Variants in DPP7 observed in about 807,000 individuals in gnomAD.
DPP7 encodes the protein dipeptidyl peptidase 2.
DPP7 carries 74 observed loss-of-function variants against 58.8 expected under a neutral mutation model. The ratio of observed to expected loss-of-function variants is 1.26; its 90% CI spans 1.04 to 1.53. The LOEUF (loss-of-function observed/expected upper bound fraction) is 1.53, where lower values mean the gene tolerates loss of function less well. Among genes scored for constraint, DPP7 ranks in the 40% most tolerant of loss-of-function variants. The probability of loss-of-function intolerance (pLI) is 0.00; values close to 1 mark genes in which losing one functional copy is unlikely to be tolerated. For synonymous variants in DPP7, 350 were observed against 303.6 expected (o/e 1.15, Z -1.59); for missense variants, 807 against 692.3 (o/e 1.17, Z -1.86).
At chr9:137,117,288 G>A (rs1179270837), upstream of DPP7, among the ~76,000 whole-genome samples, 1 of 152,244 alleles carries the variant, frequency 6.6e-6, no homozygotes, top group Non-Finnish European at 1.5e-5. Context: ...CCCCAGGTCT[G>A]CATCGCCAGG....
rs558069436 is a variant in DPP7 at position 137,110,711 on chromosome 9, C to T, written c.1416G>A (p.Trp472Ter). The T allele has an allele frequency of 1.1e-5, 18 of 1,608,430 alleles. 1 individual carries two copies. The highest frequency in any genetic ancestry group is 5.0e-5 in the Admixed American group (3 of 60,006). The change falls in exon 13 of 13, where the codon TGG becomes TGA. Residue 472 changes from tryptophan (W) to a stop codon, truncating the protein, a stop_gained. Coordinates refer to ENST00000371579, the MANE Select transcript of DPP7 (RefSeq NM_013379.3). LOFTEE classifies it low-confidence loss of function (END_TRUNC). ...GCTGCTCACGCCTGGCTGCCTTTAC[C>T]CACTCGCCGATGATGGTGGCCTCCA... Reference protein sequence around the residue: ...RKLEATIIGEWVKAARREQQP... With the variant: ...RKLEATIIGE
chr9:137,114,848 G>A, upstream of DPP7: 1 of 564,450 alleles, frequency 1.8e-6, no homozygotes, highest in Non-Finnish European at 2.6e-6. Flanking sequence ...CCGCGCCGGG[G>A]CTGTGCCCCC....
rs1325374757 is a variant in DPP7, at chr9:137,114,570, C to T, written c.74G>A (p.Arg25Lys). ...GLRGLQAGAR[R>K]APDPGFQERF... The stretch of plus-strand genomic sequence containing the variant: ...CTCCTGGAAGCCGGGGTCCGGGGCC[C>T]TGCGGGCTGTGGGGGGACGCGAACC... Residue 25 changes from arginine to lysine, a missense_variant, in exon 2 of 13, where the codon AGG (arginine) becomes AAG (lysine). By Grantham distance (26) the Arg-to-Lys change is conservative. This residue lies in a region of DPP7 where 168 missense variants were observed against 124.1 expected (regional missense o/e 1.35). Transcript: ENST00000371579. 2 of 1,543,074 alleles carry T rather than the reference C, an allele frequency of 1.3e-6. No homozygotes were observed. Among genetic ancestry groups the T allele is most frequent in the South Asian group, 1.2e-5 (1 of 83,598 alleles).
chr9:137,112,817 G>T lies in DPP7; in HGVS notation c.871-12C>A. ...CGATCACAGCCCACCTGGAGTGCAG[G>T]GGCAGCGGCGACTCAGCGGGGTCCC... is the stretch of plus-strand genomic sequence containing the variant. On this transcript the variant is annotated splice_polypyrimidine_tract_variant and intron_variant, in intron 7 of 12. Coordinates refer to ENST00000371579, the MANE Select transcript of DPP7 (RefSeq NM_013379.3). 1 of 1,608,624 alleles carries T rather than the reference G, an allele frequency of 6.2e-7. No homozygotes were observed.
At chr9:137,118,071 TC>T (rs1809008878), upstream of DPP7, among the ~76,000 whole-genome samples, 1 of 152,026 alleles carries the variant, frequency 6.6e-6, no homozygotes, top group African/African-American at 2.4e-5. Flanking sequence ...TACTGCAACT[TC>T]CGCCTCCTGG....
In DPP7 at chr9:137,113,909, G is replaced by C; in HGVS notation, c.441C>G (p.Arg147=). Residue 147 remains arginine, a synonymous_variant, in exon 4 of 13, where the codon CGC becomes CGG. Transcript: ENST00000371579. The stretch of plus-strand genomic sequence containing the variant: ...CGGGGGCATCCTGGGCCCCGAGGTC[G>C]CGTCGTAGCGCGCGGAGCAGCTCTG... The part of the protein sequence containing the change: ...DFAELLRALR[R]DLGAQDAPAI... The C allele has an allele frequency of 6.4e-7, 1 of 1,573,444 alleles. No individual in the cohort carries two copies. The highest frequency in any genetic ancestry group is 8.6e-7 in the Non-Finnish European group (1 of 1,165,770).
At position 137,113,219 on chromosome 9, in the gene DPP7, C is replaced by A. The variant is rs746998629; in HGVS notation, c.690G>T (p.Leu230Phe). ...VREAFRQIKD[L>F]FLQGAYDTVR... ...GGAGGACCTCACCTCCCTGTAGGAACAAGTCCTTGATCTGTCGGAACGCTT... is the reference window on the plus strand; with the variant it reads ...GGAGGACCTCACCTCCCTGTAGGAAAAAGTCCTTGATCTGTCGGAACGCTT... Residue 230 changes from leucine (L) to phenylalanine (F), a missense_variant, in exon 6 of 13, where the codon TTG becomes TTT. By Grantham distance (22) the Leu-to-Phe change is conservative. Transcript: ENST00000371579. The A allele has an allele frequency of 3.6e-5, 58 of 1,613,608 alleles. No homozygotes were observed. The South Asian group carries it at 5.8e-4, about 16-fold the overall frequency.
At position 137,114,629 on chromosome 9, in the gene DPP7, G is replaced by C; in HGVS notation, c.67+18C>G. 1.4e-6 allele frequency: 2 copies of C among 1,401,750 alleles called. No homozygotes were observed. The highest frequency in any genetic ancestry group is 1.9e-6 in the Non-Finnish European group (2 of 1,078,338). 86.8% of individuals were successfully genotyped at this position (1,401,750 alleles called of 1,614,324 possible). A position where few individuals can be genotyped will look rare whatever the true frequency, so the allele number is the denominator to read the frequency against. ...GGGGCCGGGACCGGGGAATGGGCCGGGGGGCGCCGCCACTCACCCCCCGCC... is the reference window on the plus strand; with the variant it reads ...GGGGCCGGGACCGGGGAATGGGCCGCGGGGCGCCGCCACTCACCCCCCGCC... On this transcript the variant is annotated intron_variant, in intron 1 of 12. Coordinates refer to ENST00000371579, the MANE Select transcript of DPP7 (RefSeq NM_013379.3).
In DPP7 at chr9:137,113,211, T is replaced by C. The variant is rs778415821; in HGVS notation, c.698A>G (p.Gln233Arg). The change falls in exon 6 of 13, where the codon CAG (glutamine) becomes CGG (arginine). Residue 233 changes from glutamine (Q) to arginine (R), a missense_variant. This residue lies in a region of DPP7 where 624 missense variants were observed against 531.2 expected (regional missense o/e 1.17). Transcript: ENST00000371579. ...AFRQIKDLFL[Q>R]GAYDTVRWEF... ...AGGCGGTGGGAGGACCTCACCTCCC[T>C]GTAGGAACAAGTCCTTGATCTGTCG... The C allele has an allele frequency of 5.0e-6, 8 of 1,613,618 alleles. No homozygotes were observed. The highest frequency in any genetic ancestry group is 5.9e-6 in the Non-Finnish European group (7 of 1,179,924).
chr9:137,114,430 G>A, intron 2 of DPP7, 33 bp downstream of exon 2: 1 of 1,559,984 alleles, frequency 6.4e-7, no homozygotes, highest in Non-Finnish European at 8.7e-7. Context: ...CGGCGGGACG[G>A]CGGGGGCGGC....
chr9:137,112,416 G>A (rs546362858), intron 8 of DPP7, 186 bp from the exon 9 acceptor site: 23 of 633,212 alleles, frequency 3.6e-5, no homozygotes, highest in Non-Finnish European at 5.4e-5. Flanking sequence ...TGCCAGCCCC[G>A]GGCCTGACTG....
At chr9:137,116,622 T>C (rs1014645624), upstream of DPP7, among the ~76,000 whole-genome samples, 2 of 152,212 alleles carry the variant, frequency 1.3e-5, no homozygotes, top group East Asian at 1.9e-4. Context: ...GCCTGAGATA[T>C]GGCCTCGTGG....
chr9:137,117,637 G>A (rs1039119110), upstream of DPP7, among the ~76,000 whole-genome samples: 11 of 152,204 alleles, frequency 7.2e-5, no homozygotes, highest in African/African-American at 2.2e-4. Flanking sequence ...GGCCATGCCC[G>A]GCCACACATC....
At chr9:137,112,675 AC>A in intron 8 of DPP7, 69 bp downstream of exon 8, 1 of 1,524,680 alleles carries the variant, frequency 6.6e-7, no homozygotes, top group Non-Finnish European at 8.8e-7. Context: ...TCCTCGCCCC[AC>A]CCGGCCCCAG....
rs200070019 is a variant in DPP7, at chr9:137,113,210, C to T, written c.699G>A (p.Gln233=). Residue 233 remains glutamine, a synonymous_variant, in exon 6 of 13, where the codon CAG becomes CAA. Coordinates refer to ENST00000371579, the MANE Select transcript of DPP7 (RefSeq NM_013379.3). ...AFRQIKDLFL[Q]GAYDTVRWEF... ...GAGGCGGTGGGAGGACCTCACCTCC[C>T]TGTAGGAACAAGTCCTTGATCTGTC... 1.6e-5 allele frequency: 26 copies of T among 1,613,688 alleles called. No individual in the cohort carries two copies. In the East Asian group the frequency reaches 2.9e-4, roughly 18 times the overall value.
intron 7 of DPP7, 45 bp downstream of exon 7, chr9:137,112,908 C>T (rs1175181892): frequency 6.2e-7 from 1 of 1,609,374 alleles, no homozygotes; most frequent in South Asian, 1.1e-5. Context: ...AGCCTCGGGA[C>T]ACTCCAGCCG....
In DPP7 at chr9:137,110,666, C is replaced by T. The variant is rs911049720; in HGVS notation, c.1461G>A (p.Gly487=). ...RREQQPALRG[G]PRLSL ...CCTGTGCTCAGAGGCTGAGTCTGGG[C>T]CCCCCACGCAGAGCTGGCTGCTGCT... The change falls in exon 13 of 13, where the codon GGG becomes GGA. Residue 487 remains glycine, a synonymous_variant. Coordinates refer to ENST00000371579, the MANE Select transcript of DPP7 (RefSeq NM_013379.3). 4 of 1,601,200 alleles carry T rather than the reference C, an allele frequency of 2.5e-6. No homozygotes were observed. In the African/African-American group the frequency reaches 4.5e-5, roughly 18 times the overall value.
rs1394441468 is a variant in DPP7 at position 137,113,885 on chromosome 9, G to C, written c.465C>G (p.Pro155=). Residue 155 remains proline (P), a synonymous_variant, in exon 4 of 13, where the codon CCC becomes CCG. Coordinates refer to ENST00000371579, the MANE Select transcript of DPP7 (RefSeq NM_013379.3). ...LRRDLGAQDA[P]AIAFGGSYGG... is the part of the protein sequence containing the mutation. Reference sequence around the variant, plus strand: ...CCCACCTTCCACCGAAGGCGATGGCGGGGGCATCCTGGGCCCCGAGGTCGC... The same window carrying C: ...CCCACCTTCCACCGAAGGCGATGGCCGGGGCATCCTGGGCCCCGAGGTCGC... 2 of 1,558,678 alleles carry C rather than the reference G, an allele frequency of 1.3e-6. No individual in the cohort carries two copies.
At chr9:137,115,673 G>A (rs552989019), upstream of DPP7, among the ~76,000 whole-genome samples, 4 of 152,192 alleles carry the variant, frequency 2.6e-5, no homozygotes, top group South Asian at 2.1e-4. Flanking sequence ...AGCCCCTCAC[G>A]CCATGGCCCT....
Sources: gnomAD v4.1 joint callset for allele counts (sites outside exome capture counted in the v4.1 genomes callset) on GRCh38, gnomAD v4.1.1 for gene constraint, gnomAD v4.1.1 regional missense constraint, MANE v1.5 for transcripts, NCBI Gene and HGNC (gene_info 2026-07-23, HGNC 2026-07-21) for gene names.